S100PBP: variants seen among roughly 807,000 people sequenced by gnomAD.
The protein encoded by S100PBP is S100P-binding protein.
In S100PBP, 15 loss-of-function variants were observed where a neutral mutation model predicts 39.9. That is an observed-to-expected ratio of 0.38 (90% confidence interval 0.25 to 0.58). The LOEUF is 0.58. S100PBP is among the 20% of genes least tolerant of loss of function. The probability of loss-of-function intolerance (pLI) is 0.70; values close to 1 mark genes in which losing one functional copy is unlikely to be tolerated. For synonymous variants in S100PBP, 178 were observed against 180.3 expected, an observed-to-expected ratio of 0.99 and a Z score of 0.10; for missense variants, 504 against 487.3, an observed-to-expected ratio of 1.03 and a Z score of -0.32.
At chr1:32,848,490 T>G (rs955389369) in intron 5 of S100PBP, among the ~76,000 whole-genome samples, 23 of 152,170 alleles carry the variant, frequency 1.5e-4, no homozygotes, top group African/African-American at 5.5e-4. Context: ...CATTGACATT[T>G]CAAAGAAGAG....
chr1:32,855,899 G>A (rs1477604317), intron 6 of S100PBP, 25 bp from the exon 7 acceptor site: 1 of 1,552,626 alleles, frequency 6.4e-7, no homozygotes, highest in African/African-American at 1.4e-5. Context: ...TAGCCTTCCT[G>A]TTTGTACTCT....
chr1:32,839,950 A>T (rs1640011449), intron 5 of S100PBP, among the ~76,000 whole-genome samples: 1 of 152,020 alleles, frequency 6.6e-6, no homozygotes, highest in Non-Finnish European at 1.5e-5. Flanking sequence ...AGTAGCTGGG[A>T]CTACAGGCTC....
intron 1 of S100PBP, among the ~76,000 whole-genome samples, chr1:32,819,977 C>T (rs186243532): frequency 6.6e-6 from 1 of 152,146 alleles, no homozygotes; most frequent in East Asian, 1.9e-4. Flanking sequence ...CATTAATTTG[C>T]ATAATTTGCC....
At chr1:32,849,775 T>G (rs1557513700) in intron 5 of S100PBP, among the ~76,000 whole-genome samples, 1 of 152,230 alleles carries the variant, frequency 6.6e-6, no homozygotes. Flanking sequence ...TTAAGGAAAG[T>G]CAATCCTATG....
intron 5 of S100PBP, among the ~76,000 whole-genome samples, chr1:32,833,784 T>G (rs183961121): frequency 6.6e-6 from 1 of 152,354 alleles, no homozygotes; most frequent in African/African-American, 2.4e-5. Flanking sequence ...GATAATTATC[T>G]TTCCTGTAAG....
At chr1:32,819,520 C>T (rs754420319) in intron 1 of S100PBP, among the ~76,000 whole-genome samples, 2 of 152,272 alleles carry the variant, frequency 1.3e-5, no homozygotes, top group South Asian at 2.1e-4. Flanking sequence ...GCCCAGATCA[C>T]GCCACTGCAT....
rs756275768 is a variant in S100PBP, at chr1:32,826,213, G to T, written c.114G>T (p.Leu38Phe). Residue 38 changes from leucine to phenylalanine, a missense_variant, in exon 3 of 7, where the codon TTG (leucine) becomes TTT (phenylalanine). Leu to Phe is a conservative substitution (Grantham distance 22). Transcript: ENST00000373475. ...SLDEDGLDDS[L>F]LELSEGEEDD... The stretch of plus-strand genomic sequence containing the variant: ...ATGAGGATGGATTGGATGACTCCTT[G>T]CTGGAGCTGTCAGAGGGAGAAGAAG... The T allele has an allele frequency of 1.2e-6, 2 of 1,614,024 alleles. No individual in the cohort carries two copies. Among genetic ancestry groups the T allele is most frequent in the African/African-American group, 2.7e-5 (2 of 74,916 alleles).
intron 4 of S100PBP, 83 bp from the exon 5 acceptor site, chr1:32,829,881 C>A: frequency 1.1e-6 from 1 of 879,180 alleles, no homozygotes; most frequent in Non-Finnish European, 1.9e-6. Flanking sequence ...AATCAATCAG[C>A]AGTATATCAC....
intron 5 of S100PBP, among the ~76,000 whole-genome samples, chr1:32,848,732 A>C (rs187326135): frequency 9.8e-5 from 15 of 152,368 alleles, no homozygotes; most frequent in Non-Finnish European, 1.6e-4. Flanking sequence ...GATTCACTTT[A>C]AACTTACTAA....
intron 4 of S100PBP, 59 bp downstream of exon 4, chr1:32,828,140 T>A: frequency 2.4e-6 from 3 of 1,260,226 alleles, no homozygotes; most frequent in Non-Finnish European, 3.4e-6. Flanking sequence ...ATTTCTTTCT[T>A]CCCCTCTCCA....
rs1395852863 is a variant in S100PBP at position 32,856,222 on chromosome 1, C to T, written c.*184C>T. ...CGACTTGAATTTTTTTGTATGAAGTCCCTCCTGATTTTGTGTGTGTGTGTC... is the reference window on the plus strand; with the variant it reads ...CGACTTGAATTTTTTTGTATGAAGTTCCTCCTGATTTTGTGTGTGTGTGTC... On this transcript the variant is annotated 3_prime_UTR_variant, in exon 7 of 7. Transcript: ENST00000373475. The T allele has an allele frequency of 6.8e-6, 3 of 438,288 alleles. No homozygotes were observed. The highest frequency in any genetic ancestry group is 4.2e-6 in the Non-Finnish European group (1 of 238,746). 27.1% of individuals were successfully genotyped at this position (438,288 alleles called of 1,614,324 possible). A position where few individuals can be genotyped will look rare whatever the true frequency, so the allele number is the denominator to read the frequency against.
chr1:32,818,706 C>T (rs954834728), intron 1 of S100PBP: 26 of 152,200 alleles, frequency 1.7e-4, no homozygotes, highest in African/African-American at 9.7e-5. Context: ...GTTGTTTTTT[C>T]CGTCCTGCAG....
chr1:32,854,939 T>G (rs927596935), intron 6 of S100PBP, among the ~76,000 whole-genome samples: 1 of 152,236 alleles, frequency 6.6e-6, no homozygotes, highest in African/African-American at 2.4e-5. Flanking sequence ...CTCTACTCTA[T>G]GACCTTGGGT....
At position 32,817,672 on chromosome 1, in the gene S100PBP, T is replaced by C; in HGVS notation, c.-137T>C. On this transcript the variant is annotated 5_prime_UTR_variant, in exon 1 of 7. Transcript: ENST00000373475. ...TGAGGCGCAGTCGTTCGCCCAGGCT[T>C]TGGCCCGGCTTCCGGAGGTGAAGAG... 1 of 233,966 alleles carries C rather than the reference T, an allele frequency of 4.3e-6. No individual in the cohort carries two copies. The highest frequency in any genetic ancestry group is 5.0e-5 in the Admixed American group (1 of 19,992). The allele number at this position is 233,966 out of a possible 1,614,324, so 14.5% of individuals were successfully genotyped here.
chr1:32,817,487 G>T, upstream of S100PBP: 1 of 608,522 alleles, frequency 1.6e-6, no homozygotes, highest in South Asian at 1.9e-5. Context: ...TGGGCGGTGC[G>T]GAGGGCGGGG....
intron 4 of S100PBP, among the ~76,000 whole-genome samples, chr1:32,828,603 A>G (rs1328116829): frequency 2.6e-5 from 4 of 152,136 alleles, no homozygotes; most frequent in African/African-American, 9.7e-5. Context: ...AATTGAATCT[A>G]CTAGAAAAAG....
chr1:32,822,405 G>T (rs937995814), intron 1 of S100PBP, among the ~76,000 whole-genome samples: 2 of 152,034 alleles, frequency 1.3e-5, no homozygotes, highest in African/African-American at 4.8e-5. Context: ...CTGAGGTCAG[G>T]AGATCAAGAC....
At chr1:32,839,717 T>G (rs1417602624) in intron 5 of S100PBP, among the ~76,000 whole-genome samples, 1 of 152,142 alleles carries the variant, frequency 6.6e-6, no homozygotes, top group African/African-American at 2.4e-5. Context: ...ACTGTGTTGC[T>G]CAGGCTGGTT....
chr1:32,843,455 C>T (rs1335888976), intron 5 of S100PBP, among the ~76,000 whole-genome samples: 5 of 151,532 alleles, frequency 3.3e-5, no homozygotes, highest in Non-Finnish European at 7.4e-5. Flanking sequence ...CCACCACACC[C>T]GGCTAATTTT....
Sources: allele counts gnomAD v4.1 joint callset (sites outside exome capture counted in the v4.1 genomes callset), GRCh38; gene constraint gnomAD v4.1.1; transcripts MANE v1.5; gene names NCBI Gene and HGNC (gene_info 2026-07-23, HGNC 2026-07-21).